Variants in RUNX1 observed in about 807,000 individuals in gnomAD.
RUNX1 encodes the protein RUNX family transcription factor 1.
RUNX1 carries 19 observed loss-of-function variants against 42.8 expected under a neutral mutation model. That is an observed-to-expected ratio of 0.44 (90% CI 0.31 to 0.65). RUNX1 has a LOEUF of 0.65. Among genes scored for constraint, RUNX1 ranks in the 30% least tolerant of loss-of-function variants. The pLI is 0.07. For missense variants in RUNX1, 528 were observed against 672.0 expected, an observed-to-expected ratio of 0.79 and a Z score of 2.37; for synonymous variants, 271 against 289.4, an observed-to-expected ratio of 0.94 and a Z score of 0.64.
At chr21:34,909,850 T>A (rs1349194801) in intron 2 of RUNX1, among the ~76,000 whole-genome samples, 2 of 152,152 alleles carry the variant, frequency 1.3e-5, no homozygotes, top group African/African-American at 4.8e-5. Context: ...TGATCTCCAT[T>A]GTCTCCTCCT....
At chr21:35,007,253 G>T (rs1264336488) in intron 2 of RUNX1, among the ~76,000 whole-genome samples, 3 of 152,210 alleles carry the variant, frequency 2.0e-5, no homozygotes. Flanking sequence ...TCATCTGCGG[G>T]CTTGTGTTCT....
intron 7 of RUNX1, among the ~76,000 whole-genome samples, chr21:34,804,857 T>C (rs2056657424): frequency 6.6e-6 from 1 of 151,524 alleles, no homozygotes; most frequent in African/African-American, 2.4e-5. Context: ...ATTCTCCTCC[T>C]CAGCCTCCCG....
chr21:34,879,254 A>G (rs1173055571), intron 5 of RUNX1, among the ~76,000 whole-genome samples: 1 of 152,244 alleles, frequency 6.6e-6, no homozygotes, highest in Non-Finnish European at 1.5e-5. Flanking sequence ...TATATCTTAT[A>G]GCATCACTCA....
intron 2 of RUNX1, among the ~76,000 whole-genome samples, chr21:34,894,871 C>T (rs181632810): frequency 7.1e-4 from 95 of 134,744 alleles, no homozygotes; most frequent in Non-Finnish European, 1.3e-3. Flanking sequence ...CACTCTTGAC[C>T]TACATAGAAA....
At chr21:35,038,693 C>T (rs928086487) in intron 2 of RUNX1, 42 of 454,106 alleles carry the variant, frequency 9.2e-5, no homozygotes, top group Admixed American at 3.8e-4. Context: ...TCCTGAGAGG[C>T]CACTTCTGAG....
In RUNX1 at chr21:34,792,577, C is replaced by G. The variant is rs1216989122; in HGVS notation, c.1001G>C (p.Arg334Pro). Residue 334 changes from arginine to proline, a missense_variant, in exon 9 of 9, where the codon CGC becomes CCC. Arg to Pro is a moderately radical substitution (Grantham distance 103). This residue lies in a region of RUNX1 where 331 missense variants were observed against 382.5 expected (regional missense o/e 0.87). Transcript: ENST00000675419. This position sits in a 1 kb window ranked among gnomAD's most constrained non-coding sequence, Gnocchi z 6.9. ...GATGGAGGGCAGCGCGGGGAACTGGCGCGGGTCGCTGAACGCTGTCAGGTC... is the reference window on the plus strand; with the variant it reads ...GATGGAGGGCAGCGCGGGGAACTGGGGCGGGTCGCTGAACGCTGTCAGGTC... ...APDLTAFSDPRQFPALPSISD... is the reference protein window; with the variant it reads ...APDLTAFSDPPQFPALPSISD... 6.2e-7 allele frequency: 1 copy of G among 1,602,446 alleles called. No homozygotes were observed. Among genetic ancestry groups the G allele is most frequent in the African/African-American group, 1.3e-5 (1 of 74,690 alleles).
intron 7 of RUNX1, among the ~76,000 whole-genome samples, chr21:34,817,239 A>G (rs1464441003): frequency 6.6e-6 from 1 of 152,116 alleles, no homozygotes. Flanking sequence ...ATTGCTATTC[A>G]CCGTCTGTCA....
chr21:34,940,742 A>G (rs2058520641), intron 2 of RUNX1, among the ~76,000 whole-genome samples: 1 of 152,222 alleles, frequency 6.6e-6, no homozygotes, highest in Admixed American at 6.5e-5. Context: ...CACATGAGGT[A>G]AGAAGACGCT....
rs769213771 is a variant in RUNX1 at position 34,887,012 on chromosome 21, G to T, written c.182C>A (p.Pro61Gln). The stretch of plus-strand genomic sequence containing the variant: ...GCCGGCCAGGGCAGCGCCGGCGTCC[G>T]GGGCGCCCAGCGGCAACGCCTCGCT... ...KMSEALPLGA[P>Q]DAGAALAGKL... The change falls in exon 4 of 9, where the codon CCG (proline) becomes CAG (glutamine). Residue 61 changes from proline (P) to glutamine (Q), a missense_variant. This residue lies in a region of RUNX1 where 114 missense variants were observed against 115.0 expected (regional missense o/e 0.99). Transcript: ENST00000675419. 1 of 1,602,336 alleles carries T rather than the reference G, an allele frequency of 6.2e-7. No individual in the cohort carries two copies. The highest frequency in any genetic ancestry group is 1.1e-5 in the South Asian group (1 of 90,822).
At chr21:34,937,320 C>CA (rs35504628) in intron 2 of RUNX1, among the ~76,000 whole-genome samples, 93,939 of 122,070 alleles carry the variant, frequency 0.77, 35,835 homozygotes, top group East Asian at 0.88. Context: ...GGCCATCAGC[C>CA]AAAAAAAAAA....
chr21:34,872,700 T>G (rs1189275883), intron 5 of RUNX1, among the ~76,000 whole-genome samples: 1 of 152,180 alleles, frequency 6.6e-6, no homozygotes, highest in Non-Finnish European at 1.5e-5. Flanking sequence ...TGGAGCTAGA[T>G]GAGTTTCTCA....
chr21:34,997,293 C>A (rs2059003615), intron 2 of RUNX1, among the ~76,000 whole-genome samples: 1 of 152,160 alleles, frequency 6.6e-6, no homozygotes, highest in Admixed American at 6.5e-5. Context: ...TAATCCCAAA[C>A]CTGACAGCCC....
chr21:34,950,241 C>T (rs547188034), intron 2 of RUNX1, among the ~76,000 whole-genome samples: 4 of 152,230 alleles, frequency 2.6e-5, no homozygotes, highest in African/African-American at 9.6e-5. Flanking sequence ...ACATTCATAA[C>T]CCGCATCTTA....
At chr21:34,933,305 C>A (rs2146603908) in intron 2 of RUNX1, among the ~76,000 whole-genome samples, 1 of 152,214 alleles carries the variant, frequency 6.6e-6, no homozygotes, top group East Asian at 1.9e-4. Flanking sequence ...ACAAGTAGCC[C>A]CTCAGGTAGA....
chr21:34,820,292 T>C (rs2056889172), intron 7 of RUNX1, among the ~76,000 whole-genome samples: 1 of 152,002 alleles, frequency 6.6e-6, no homozygotes, highest in South Asian at 2.1e-4. Context: ...CCTTCCTTGC[T>C]GAGTGGGGCT....
intron 2 of RUNX1, among the ~76,000 whole-genome samples, chr21:34,927,712 G>A (rs1457485317): frequency 6.6e-6 from 1 of 152,204 alleles, no homozygotes; most frequent in Admixed American, 6.5e-5. Flanking sequence ...GGTACTGTTA[G>A]TATAGACAGA....
At chr21:34,800,547 T>G (rs1159619567) in intron 7 of RUNX1, among the ~76,000 whole-genome samples, 1 of 152,200 alleles carries the variant, frequency 6.6e-6, no homozygotes, top group Non-Finnish European at 1.5e-5. Context: ...AGGAAAATAC[T>G]GGGTATAAGT....
In RUNX1 at chr21:34,790,394, C is replaced by A. The variant is rs914539633; in HGVS notation, c.*1741G>T. 1 of 233,540 alleles carries A rather than the reference C, an allele frequency of 4.3e-6. No homozygotes were observed. Among genetic ancestry groups the A allele is most frequent in the African/African-American group, 2.2e-5 (1 of 45,340 alleles). 14.5% of individuals were successfully genotyped at this position (233,540 alleles called of 1,614,324 possible). On this transcript the variant is annotated 3_prime_UTR_variant, in exon 9 of 9. Coordinates refer to ENST00000675419, the MANE Select transcript of RUNX1 (RefSeq NM_001754.5). ...ATACTCTTCAGAGTTGACCTGAAAT[C>A]GTTTCAACGAATTTTAAGAGGTACG... is the stretch of plus-strand genomic sequence containing the variant.
chr21:34,890,305 T>A (rs933712132), intron 3 of RUNX1, among the ~76,000 whole-genome samples: 3 of 152,066 alleles, frequency 2.0e-5, no homozygotes, highest in Non-Finnish European at 4.4e-5. Context: ...CCTCGTGGCC[T>A]TCGGGTCGCC....
Sources: allele counts gnomAD v4.1 joint callset (sites outside exome capture counted in the v4.1 genomes callset), GRCh38; gene constraint gnomAD v4.1.1; regional missense constraint gnomAD v4.1.1; non-coding constraint Gnocchi (gnomAD v3.1); transcripts MANE v1.5; gene names NCBI Gene and HGNC (gene_info 2026-07-23, HGNC 2026-07-21).